Variants in ASIC2 observed in about 807,000 individuals in gnomAD.
ASIC2 encodes acid sensing ion channel subunit 2.
Under a neutral mutation model 57.3 loss-of-function variants are expected in ASIC2, and 25 were observed. That is an observed-to-expected ratio of 0.44 (90% CI 0.32 to 0.61). The LOEUF (loss-of-function observed/expected upper bound fraction) is 0.61. Ranked by LOEUF, ASIC2 falls within the 20% of genes least tolerant of loss-of-function variation. ASIC2 has a pLI of 0.06. For synonymous variants in ASIC2, 319 were observed against 307.5 expected (o/e 1.04, Z -0.39); for missense variants, 641 against 738.1 (o/e 0.87, Z 1.52).
At chr17:33,148,576 A>G (rs1347103112) in intron 1 of ASIC2, among the ~76,000 whole-genome samples, 1 of 152,216 alleles carries the variant, frequency 6.6e-6, no homozygotes, top group Non-Finnish European at 1.5e-5. Flanking sequence ...TGTGCCATTT[A>G]CTTAACCTTA....
chr17:33,510,248 G>C (rs1375628760), intron 1 of ASIC2, among the ~76,000 whole-genome samples: 1 of 152,160 alleles, frequency 6.6e-6, no homozygotes, highest in Non-Finnish European at 1.5e-5. Flanking sequence ...GACTCATTTA[G>C]TTCCCAGACA....
At chr17:33,832,617 C>A (rs936339566) in intron 1 of ASIC2, among the ~76,000 whole-genome samples, 2 of 152,186 alleles carry the variant, frequency 1.3e-5, no homozygotes. Flanking sequence ...AGCTCCAAAT[C>A]TTTAGCAATA....
At chr17:33,354,740 C>A (rs1390297762) in intron 1 of ASIC2, among the ~76,000 whole-genome samples, 1 of 152,114 alleles carries the variant, frequency 6.6e-6, no homozygotes, top group Non-Finnish European at 1.5e-5. Flanking sequence ...TCCTGGTTTC[C>A]ACTCCTATGG....
chr17:33,061,049 A>C (rs2092018529), intron 3 of ASIC2, among the ~76,000 whole-genome samples: 1 of 152,208 alleles, frequency 6.6e-6, no homozygotes, highest in Admixed American at 6.5e-5. Context: ...TATCAGCTTA[A>C]GGAGATTTTG....
chr17:33,547,900 T>C (rs1286035536), intron 1 of ASIC2, among the ~76,000 whole-genome samples: 2 of 152,114 alleles, frequency 1.3e-5, no homozygotes, highest in Non-Finnish European at 2.9e-5. Flanking sequence ...AAAGCAAAAC[T>C]GCAGTGACCA....
At chr17:33,081,591 T>A (rs2092113334) in intron 3 of ASIC2, among the ~76,000 whole-genome samples, 1 of 151,678 alleles carries the variant, frequency 6.6e-6, no homozygotes, top group Non-Finnish European at 1.5e-5. Flanking sequence ...AAGCTTCCAT[T>A]TCTAATGGGG....
intron 1 of ASIC2, among the ~76,000 whole-genome samples, chr17:33,380,198 A>G (rs2141945284): frequency 7.0e-6 from 1 of 142,422 alleles, no homozygotes; most frequent in Admixed American, 7.6e-5. Context: ...GTTAGGTGAC[A>G]TCGCGCCACT....
chr17:33,326,271 A>G (rs781519015), intron 1 of ASIC2, among the ~76,000 whole-genome samples: 6 of 152,216 alleles, frequency 3.9e-5, no homozygotes, highest in African/African-American at 9.6e-5. Context: ...AAGGAAATCG[A>G]GGTCATTAAC....
intron 1 of ASIC2, among the ~76,000 whole-genome samples, chr17:33,323,957 G>A (rs1338841590): frequency 6.6e-6 from 1 of 151,754 alleles, no homozygotes; most frequent in African/African-American, 2.4e-5. Context: ...GTGTTCACTT[G>A]GTGAGAATTC....
chr17:34,067,540 A>G (rs901404522), intron 1 of ASIC2, among the ~76,000 whole-genome samples: 1 of 152,262 alleles, frequency 6.6e-6, no homozygotes, highest in Non-Finnish European at 1.5e-5. Context: ...CATGACAATT[A>G]TAAGTATGAA....
intron 1 of ASIC2, chr17:34,003,995 G>A (rs576208508): frequency 7.9e-5 from 12 of 152,290 alleles, no homozygotes; most frequent in African/African-American, 2.9e-4. Context: ...CTGAACTTGA[G>A]GTCGACTACA....
intron 1 of ASIC2, among the ~76,000 whole-genome samples, chr17:33,699,826 T>A (rs1266808854): frequency 6.6e-6 from 1 of 152,238 alleles, no homozygotes; most frequent in Non-Finnish European, 1.5e-5. Context: ...TGTTCTTCTC[T>A]GTAAAACAGA....
intron 8 of ASIC2, 90 bp from the exon 9 acceptor site, chr17:33,016,129 C>A: frequency 7.8e-7 from 1 of 1,285,246 alleles, no homozygotes. Flanking sequence ...ACTGGGGTGG[C>A]AGCTGCTTGG....
chr17:33,498,166 C>A (rs921219004), intron 1 of ASIC2, among the ~76,000 whole-genome samples: 2 of 152,242 alleles, frequency 1.3e-5, no homozygotes, highest in African/African-American at 4.8e-5. Context: ...AATGTGCTCA[C>A]AGTTGCTTCA....
chr17:33,577,429 G>C (rs1173847425), intron 1 of ASIC2, among the ~76,000 whole-genome samples: 2 of 152,160 alleles, frequency 1.3e-5, no homozygotes, highest in African/African-American at 2.4e-5. Flanking sequence ...AGGGCAGCCT[G>C]ACATGGGATT....
intron 1 of ASIC2, among the ~76,000 whole-genome samples, chr17:33,457,189 A>G (rs1165661865): frequency 6.6e-6 from 1 of 152,024 alleles, no homozygotes; most frequent in Admixed American, 6.5e-5. Context: ...AGCTATTTTT[A>G]GGTGTTCAAT....
In ASIC2 at chr17:33,946,179, A is replaced by G. The variant is rs181292043; in HGVS notation, c.555+209799T>C. 3.2e-4 allele frequency among the ~76,000 whole-genome samples: 48 copies of G among 152,364 alleles called. No homozygotes were observed. In the East Asian group the frequency reaches 6.7e-3, roughly 21 times the overall value. On this transcript the variant is annotated intron_variant, in intron 1 of 9. Coordinates refer to the ASIC2 transcript ENST00000359872. The stretch of plus-strand genomic sequence containing the variant: ...GCCACTGCAGCTCAAGATCCTGCAC[A>G]TAGACCTGCATAAGTATATGAAAAC...
intron 1 of ASIC2, among the ~76,000 whole-genome samples, chr17:34,048,711 T>A (rs1190376296): frequency 6.6e-6 from 1 of 152,172 alleles, no homozygotes; most frequent in Non-Finnish European, 1.5e-5. Context: ...ACAAGAATTG[T>A]GTAGGTTACA....
intron 1 of ASIC2, among the ~76,000 whole-genome samples, chr17:33,922,935 G>A (rs1567757088): frequency 6.6e-6 from 1 of 152,176 alleles, no homozygotes; most frequent in Non-Finnish European, 1.5e-5. Flanking sequence ...GGCAGATGCT[G>A]TGAAGGGTCC....
Sources: allele counts gnomAD v4.1 joint callset (sites outside exome capture counted in the v4.1 genomes callset), GRCh38; gene constraint gnomAD v4.1.1; transcripts MANE v1.5; gene names NCBI Gene and HGNC (gene_info 2026-07-23, HGNC 2026-07-21).